Variants in GDF15 observed in about 807,000 individuals in gnomAD.
GDF15 encodes growth/differentiation factor 15.
Under a neutral mutation model 8.9 loss-of-function variants are expected in GDF15, and 10 were observed. That is an observed-to-expected ratio of 1.12 (90% CI 0.69 to 1.90). The LOEUF is 1.90. Ranked by LOEUF, GDF15 falls within the 40% of genes most tolerant of loss-of-function variation. GDF15 has a pLI of 0.00. For synonymous variants in GDF15, 228 were observed against 210.6 expected, an observed-to-expected ratio of 1.08 and a Z score of -0.72; for missense variants, 452 against 434.2, an observed-to-expected ratio of 1.04 and a Z score of -0.36.
chr19:18,387,889 T>A (rs1401438884), intron 1 of GDF15, among the ~76,000 whole-genome samples: 53 of 144,796 alleles, frequency 3.7e-4, no homozygotes, highest in Non-Finnish European at 3.0e-5. Flanking sequence ...TGGCACGATC[T>A]TGGCTCACTG....
At chr19:18,387,946 C>CG (rs1224697342) in intron 1 of GDF15, among the ~76,000 whole-genome samples, 1 of 151,240 alleles carries the variant, frequency 6.6e-6, no homozygotes, top group Non-Finnish European at 1.5e-5. Flanking sequence ...CTCAGCCTCC[C>CG]GAGTAGCTGG....
At position 18,386,267 on chromosome 19, in the gene GDF15, T is replaced by TG. The variant is rs1971826619; in HGVS notation, c.83dup (p.Ala29ArgfsTer270). The TG allele has an allele frequency of 3.7e-6, 6 of 1,613,928 alleles. No homozygotes were observed. The highest frequency in any genetic ancestry group is 5.1e-6 in the Non-Finnish European group (6 of 1,180,008). On this transcript the variant is annotated frameshift_variant, in exon 1 of 2. Transcript: ENST00000252809. LOFTEE classifies it high-confidence loss of function. ...TGCTGGTGCTCTCGTGGCTGCCGCA[T>TG]GGGGGCGCCCTGTCTCTGGCCGAGG...
intron 1 of GDF15, 23 bp downstream of exon 1, chr19:18,386,489 C>T (rs967518704): frequency 6.3e-7 from 1 of 1,590,624 alleles, no homozygotes; most frequent in Non-Finnish European, 8.6e-7. Context: ...TTAGAGATCC[C>T]CTCCCACCCC....
chr19:18,388,134 C>G lies in GDF15; in HGVS notation c.278-152C>G. 1.5e-6 allele frequency: 1 copy of G among 678,254 alleles called. No homozygotes were observed. Among genetic ancestry groups the G allele is most frequent in the South Asian group, 1.9e-5 (1 of 52,004 alleles). The allele number at this position is 678,254 out of a possible 1,614,324, so 42.0% of individuals were successfully genotyped here. On this transcript the variant is annotated intron_variant, in intron 1 of 1. Transcript: ENST00000252809. The surrounding 1 kb of genome is among the most constrained non-coding windows in gnomAD (Gnocchi z 4.2). ...ACAGGCGTGAGCCACCGCGCCCGCACGGAGAAATGCTCTTGGTAGGGGAAA... is the reference window on the plus strand; with the variant it reads ...ACAGGCGTGAGCCACCGCGCCCGCAGGGAGAAATGCTCTTGGTAGGGGAAA...
chr19:18,386,769 C>A, intron 1 of GDF15: 1 of 431,296 alleles, frequency 2.3e-6, no homozygotes. Flanking sequence ...GTCGGGCGTG[C>A]GGTGTGGGCA....
At position 18,388,630 on chromosome 19, in the gene GDF15, G is replaced by A. The variant is rs761995859; in HGVS notation, c.622G>A (p.Gly208Arg). Residue 208 changes from glycine (G) to arginine (R), a missense_variant, in exon 2 of 2, where the codon GGG becomes AGG. Coordinates refer to ENST00000252809, the MANE Select transcript of GDF15 (RefSeq NM_004864.4). The surrounding 1 kb of genome is among the most constrained non-coding windows in gnomAD (Gnocchi z 4.2). ...CGGGGACCACTGTCCGCTCGGGCCC[G>A]GGCGTTGCTGCCGTCTGCACACGGT... ...RNGDHCPLGP[G>R]RCCRLHTVRA... 1.9e-6 allele frequency: 3 copies of A among 1,598,528 alleles called. No homozygotes were observed. Among genetic ancestry groups the A allele is most frequent in the African/African-American group, 2.7e-5 (2 of 74,594 alleles).
chr19:18,386,505 CA>C, intron 1 of GDF15, 39 bp downstream of exon 1: 1 of 1,542,214 alleles, frequency 6.5e-7, no homozygotes. Context: ...ACCCCCCAAG[CA>C]GCCCCCATAT....
Position 18,388,629 on chromosome 19 carries a change from C to G in GDF15, c.621C>G (p.Pro207=). The G allele has an allele frequency of 1.3e-6, 2 of 1,598,526 alleles. No homozygotes were observed. Among genetic ancestry groups the G allele is most frequent in the Non-Finnish European group, 8.5e-7 (1 of 1,175,312 alleles). The change falls in exon 2 of 2, where the codon CCC becomes CCG. Residue 207 remains proline (P), a synonymous_variant. Coordinates refer to ENST00000252809, the MANE Select transcript of GDF15 (RefSeq NM_004864.4). This position sits in a 1 kb window ranked among gnomAD's most constrained non-coding sequence, Gnocchi z 4.2. ...ACGGGGACCACTGTCCGCTCGGGCC[C>G]GGGCGTTGCTGCCGTCTGCACACGG... ...ARNGDHCPLG[P]GRCCRLHTVR...
chr19:18,386,254 C>G lies in GDF15; in HGVS notation c.65C>G (p.Ser22Trp). The change falls in exon 1 of 2, where the codon TCG becomes TGG. Residue 22 changes from serine to tryptophan, a missense_variant. Ser to Trp is a radical substitution (Grantham distance 177, BLOSUM62 -3). Transcript: ENST00000252809. ...ATGCTCCTGGTGTTGCTGGTGCTCT[C>G]GTGGCTGCCGCATGGGGGCGCCCTG... ...SQMLLVLLVL[S>W]WLPHGGALSL... 6.2e-7 allele frequency: 1 copy of G among 1,613,774 alleles called. No homozygotes were observed. The highest frequency in any genetic ancestry group is 1.1e-5 in the South Asian group (1 of 91,054).
Position 18,388,582 on chromosome 19 carries a change from C to T in GDF15, c.574C>T (p.Arg192Cys). 6.3e-7 allele frequency: 1 copy of T among 1,599,206 alleles called. No homozygotes were observed. Among genetic ancestry groups the T allele is most frequent in the Non-Finnish European group, 8.5e-7 (1 of 1,176,336 alleles). ...CTTGCGGCCGCAAGCCGCCAGGGGG[C>T]GCCGCAGAGCGCGTGCGCGCAACGG... ...LHLRPQAARG[R>C]RRARARNGDH... The change falls in exon 2 of 2, where the codon CGC becomes TGC. Residue 192 changes from arginine (R) to cysteine (C), a missense_variant. Physicochemically the swap from Arg to Cys is radical, Grantham distance 180 (BLOSUM62 -3). Transcript: ENST00000252809. This position sits in a 1 kb window ranked among gnomAD's most constrained non-coding sequence, Gnocchi z 4.2.
In GDF15 at chr19:18,386,459, G is replaced by T. The variant is rs746324703; in HGVS notation, c.270G>T (p.Thr90=). 7 of 1,609,074 alleles carry T rather than the reference G, an allele frequency of 4.4e-6. No individual in the cohort carries two copies. The South Asian group carries it at 7.7e-5, about 18-fold the overall frequency. ...CGGCCCCTGCAGTCCGGATACTCACGCCAGAAGGTAAGTGAAATCTTAGAG... is the reference window on the plus strand; with the variant it reads ...CGGCCCCTGCAGTCCGGATACTCACTCCAGAAGGTAAGTGAAATCTTAGAG... ...LVPAPAVRIL[T]PEVRLGSGGH... The change falls in exon 1 of 2, where the codon ACG becomes ACT. Residue 90 remains threonine (T), a synonymous_variant. Coordinates refer to ENST00000252809, the MANE Select transcript of GDF15 (RefSeq NM_004864.4).
rs1034279886 is a variant in GDF15, at chr19:18,386,370, G to A, written c.181G>A (p.Glu61Lys). The A allele has an allele frequency of 1.9e-6, 3 of 1,614,058 alleles. No homozygotes were observed. The highest frequency in any genetic ancestry group is 1.7e-5 in the Admixed American group (1 of 60,026). Residue 61 changes from glutamate to lysine, a missense_variant, in exon 1 of 2, where the codon GAG becomes AAG. Glu to Lys is a moderately conservative substitution (Grantham distance 56, BLOSUM62 1). Coordinates refer to ENST00000252809, the MANE Select transcript of GDF15 (RefSeq NM_004864.4). ...ATTCCGAGAGTTGCGGAAACGCTAC[G>A]AGGACCTGCTAACCAGGCTGCGGGC... ...SRFRELRKRY[E>K]DLLTRLRANQ...
At chr19:18,386,698 GGT>G in intron 1 of GDF15, 1 of 569,086 alleles carries the variant, frequency 1.8e-6, no homozygotes, top group South Asian at 2.1e-5. Context: ...GGGAAACTGA[GGT>G]ACAGGGATGC....
At chr19:18,386,530 C>A in intron 1 of GDF15, 64 bp downstream of exon 1, 1 of 1,396,608 alleles carries the variant, frequency 7.2e-7, no homozygotes, top group Non-Finnish European at 9.9e-7. Flanking sequence ...ATCAGGGATT[C>A]CTCATCTTGA....
rs916754669 is a variant in GDF15 at position 18,388,822 on chromosome 19, C to T, written c.814C>T (p.Pro272Ser). Residue 272 changes from proline (P) to serine (S), a missense_variant, in exon 2 of 2, where the codon CCC becomes TCC. Pro to Ser is a moderately conservative substitution (Grantham distance 74). Transcript: ENST00000252809. The surrounding 1 kb of genome is among the most constrained non-coding windows in gnomAD (Gnocchi z 4.2). ...CCTGAAGCCCGACACGGTGCCAGCG[C>T]CCTGCTGCGTGCCCGCCAGCTACAA... ...HRLKPDTVPA[P>S]CCVPASYNPM... The T allele has an allele frequency of 6.2e-7, 1 of 1,612,212 alleles. No individual in the cohort carries two copies. The highest frequency in any genetic ancestry group is 1.1e-5 in the South Asian group (1 of 91,086).
rs1971868489 is a variant in GDF15 at position 18,388,914 on chromosome 19, C to T, written c.906C>T (p.Ala302=). 1 of 1,607,642 alleles carries T rather than the reference C, an allele frequency of 6.2e-7. No homozygotes were observed. The highest frequency in any genetic ancestry group is 8.5e-7 in the Non-Finnish European group (1 of 1,178,120). Residue 302 remains alanine (A), a synonymous_variant, in exon 2 of 2, where the codon GCC becomes GCT. Transcript: ENST00000252809. This position sits in a 1 kb window ranked among gnomAD's most constrained non-coding sequence, Gnocchi z 4.2. ...VSLQTYDDLL[A]KDCHCI is the part of the protein sequence containing the mutation. ...TCCAGACCTATGATGACTTGTTAGCCAAAGACTGCCACTGCATATGAGCAG... is the reference window on the plus strand; with the variant it reads ...TCCAGACCTATGATGACTTGTTAGCTAAAGACTGCCACTGCATATGAGCAG...
Position 18,388,446 on chromosome 19 carries a change from C to T in GDF15, c.438C>T (p.Ser146=), listed in dbSNP as rs762445958. 48 of 1,609,742 alleles carry T rather than the reference C, an allele frequency of 3.0e-5. No homozygotes were observed. The highest frequency in any genetic ancestry group is 3.2e-5 in the Non-Finnish European group (38 of 1,179,318). ...DVTRPLRRQL[S]LARPQAPALH... is the part of the protein sequence containing the mutation. ...CACGACCGCTGCGGCGTCAGCTCAG[C>T]CTTGCAAGACCCCAGGCGCCCGCGC... is the stretch of plus-strand genomic sequence containing the variant. Residue 146 remains serine, a synonymous_variant, in exon 2 of 2, where the codon AGC becomes AGT. Coordinates refer to ENST00000252809, the MANE Select transcript of GDF15 (RefSeq NM_004864.4). The surrounding 1 kb of genome is among the most constrained non-coding windows in gnomAD (Gnocchi z 4.2).
rs1007244602 is a variant in GDF15 at position 18,389,091 on chromosome 19, CCTT to C, written c.*160_*162del. The C allele has an allele frequency of 4.7e-5, 26 of 554,160 alleles. No individual in the cohort carries two copies. The highest frequency in any genetic ancestry group is 3.7e-4 in the African/African-American group (19 of 51,862). 34.3% of individuals were successfully genotyped at this position (554,160 alleles called of 1,614,324 possible). On this transcript the variant is annotated 3_prime_UTR_variant, in exon 2 of 2. Transcript: ENST00000252809. ...ATTTATTATTAATTTATTGGGGTGACCTTCTTGGGGACTCGGGGGCTGGTCTGA... is the reference window on the plus strand; with the variant it reads ...ATTTATTATTAATTTATTGGGGTGACCTTGGGGACTCGGGGGCTGGTCTGA...
Position 18,388,732 on chromosome 19 carries a change from G to C in GDF15, c.724G>C (p.Gly242Arg). 1 of 1,608,834 alleles carries C rather than the reference G, an allele frequency of 6.2e-7. No homozygotes were observed. Among genetic ancestry groups the C allele is most frequent in the Non-Finnish European group, 8.5e-7 (1 of 1,179,294 alleles). The change falls in exon 2 of 2, where the codon GGC (glycine) becomes CGC (arginine). Residue 242 changes from glycine to arginine, a missense_variant. By Grantham distance (125) the Gly-to-Arg change is moderately radical. Coordinates refer to ENST00000252809, the MANE Select transcript of GDF15 (RefSeq NM_004864.4). The surrounding 1 kb of genome is among the most constrained non-coding windows in gnomAD (Gnocchi z 4.2). ...PREVQVTMCIGACPSQFRAAN... is the reference protein window; with the variant it reads ...PREVQVTMCIRACPSQFRAAN... ...GGAGGTGCAAGTGACCATGTGCATC[G>C]GCGCGTGCCCGAGCCAGTTCCGGGC... is the stretch of plus-strand genomic sequence containing the variant.
Sources: gnomAD v4.1 joint callset for allele counts (sites outside exome capture counted in the v4.1 genomes callset) on GRCh38, gnomAD v4.1.1 for gene constraint, Gnocchi (gnomAD v3.1) non-coding constraint, MANE v1.5 for transcripts, NCBI Gene and HGNC (gene_info 2026-07-23, HGNC 2026-07-21) for gene names.